The following GNL3 variants were observed in gnomAD, a reference collection of about 807,000 sequenced individuals.
GNL3 encodes guanine nucleotide-binding protein-like 3.
Under a neutral mutation model 70.6 loss-of-function variants are expected in GNL3, and 77 were observed. That is an observed-to-expected ratio of 1.09 (90% CI 0.91 to 1.32). GNL3 has a LOEUF of 1.32. Among genes scored for constraint, GNL3 ranks in the 40% most tolerant of loss-of-function variants. GNL3 has a pLI of 0.00. For missense variants in GNL3, 634 were observed against 644.0 expected (o/e 0.98, Z 0.17); for synonymous variants, 252 against 216.1 (o/e 1.17, Z -1.46).
intron 11 of GNL3, 33 bp downstream of exon 11, chr3:52,693,362 C>G: frequency 1.2e-6 from 2 of 1,613,788 alleles, no homozygotes; most frequent in South Asian, 2.2e-5. Context: ...ATTTTGGTGA[C>G]CACTAGAATA....
intron 5 of GNL3, among the ~76,000 whole-genome samples, chr3:52,688,665 C>T (rs572657430): frequency 2.0e-5 from 3 of 152,254 alleles, no homozygotes; most frequent in African/African-American, 7.2e-5. Flanking sequence ...AGGAGGACAA[C>T]TTGGTGTAGT....
Position 52,689,003 on chromosome 3 carries a change from C to T in GNL3, c.409-71C>T. 3 of 1,285,842 alleles carry T rather than the reference C, an allele frequency of 2.3e-6. 1 individual carries two copies. 79.7% of individuals were successfully genotyped at this position (1,285,842 alleles called of 1,614,324 possible). On this transcript the variant is annotated intron_variant, in intron 5 of 14. Transcript: ENST00000418458. ...CAGTACTCTCTTGTGGAAGGTATTA[C>T]CAGAACAAGGGATGTAGTTCTGATC...
rs1578570954 is a variant in GNL3 at position 52,687,579 on chromosome 3, T to C, written c.288T>C (p.Pro96=). 3.1e-6 allele frequency: 5 copies of C among 1,608,626 alleles called. No individual in the cohort carries two copies. In the East Asian group the frequency reaches 1.1e-4, roughly 36 times the overall value. Residue 96 remains proline (P), a synonymous_variant, in exon 4 of 15, where the codon CCT becomes CCC. Transcript: ENST00000418458. ...AGAAAAGAAAACTTGAAACTAATCCTGATATTAAGCCATCAAATGTGGAAC... is the reference window on the plus strand; with the variant it reads ...AGAAAAGAAAACTTGAAACTAATCCCGATATTAAGCCATCAAATGTGGAAC... ...LEKKRKLETN[P]DIKPSNVEPM...
Position 52,687,136 on chromosome 3 carries a change from A to G in GNL3, c.73-110A>G. 9.1e-6 allele frequency: 8 copies of G among 876,020 alleles called. No individual in the cohort carries two copies. The South Asian group carries it at 1.3e-4, about 14-fold the overall frequency. The allele number at this position is 876,020 out of a possible 1,614,324, so 54.3% of individuals were successfully genotyped here. A position where few individuals can be genotyped will look rare whatever the true frequency, so the allele number is the denominator to read the frequency against. On this transcript the variant is annotated intron_variant, in intron 2 of 14. Coordinates refer to ENST00000418458, the MANE Select transcript of GNL3 (RefSeq NM_014366.5). ...ATTCCAATTAAAGCTCCATTTTCCT[A>G]GGACATTTTATAGGCATAACTAAAT... is the stretch of plus-strand genomic sequence containing the variant.
Position 52,690,591 on chromosome 3 carries a change from G to C in GNL3, c.542-1G>C, listed in dbSNP as rs756950670. ...AATGTCTTATTTCTAATTGCTATCA[G>C]ATCTGGTACCAAAGGAGAATTTGGA... On this transcript the variant is annotated splice_acceptor_variant, in intron 6 of 14. Transcript: ENST00000418458. LOFTEE classifies it high-confidence loss of function. 46 of 1,562,238 alleles carry C rather than the reference G, an allele frequency of 2.9e-5. No homozygotes were observed. Among genetic ancestry groups the C allele is most frequent in the Non-Finnish European group, 3.9e-5 (44 of 1,132,918 alleles).
chr3:52,688,131 A>G lies in GNL3; in HGVS notation c.347A>G (p.Glu116Gly). ...MEKEFGLCKTENKAKSGKQNS... is the reference protein window; with the variant it reads ...MEKEFGLCKTGNKAKSGKQNS... Reference sequence around the variant, plus strand: ...TAGGAGTTTGGGCTTTGCAAAACTGAGAACAAAGCCAAGTCGGGCAAACAG... The same window carrying G: ...TAGGAGTTTGGGCTTTGCAAAACTGGGAACAAAGCCAAGTCGGGCAAACAG... The change falls in exon 5 of 15, where the codon GAG (glutamate) becomes GGG (glycine). Residue 116 changes from glutamate to glycine, a missense_variant. Coordinates refer to ENST00000418458, the MANE Select transcript of GNL3 (RefSeq NM_014366.5). 1 of 1,610,000 alleles carries G rather than the reference A, an allele frequency of 6.2e-7. No homozygotes were observed. The highest frequency in any genetic ancestry group is 1.1e-5 in the South Asian group (1 of 91,000).
chr3:52,692,369 A>ACT (rs71087009), intron 9 of GNL3, among the ~76,000 whole-genome samples: 25 of 126,432 alleles, frequency 2.0e-4, no homozygotes, highest in East Asian at 7.1e-4. Flanking sequence ...CAACTTTTAG[A>ACT]TTTTTTTTTT....
Position 52,693,186 on chromosome 3 carries a change from G to A in GNL3, c.1045-1G>A, listed in dbSNP as rs1421214142. 2 of 1,597,796 alleles carry A rather than the reference G, an allele frequency of 1.3e-6. No individual in the cohort carries two copies. Among genetic ancestry groups the A allele is most frequent in the Admixed American group, 1.8e-5 (1 of 55,760 alleles). On this transcript the variant is annotated splice_acceptor_variant, in intron 10 of 14. Coordinates refer to ENST00000418458, the MANE Select transcript of GNL3 (RefSeq NM_014366.5). LOFTEE classifies it high-confidence loss of function. ...CTCCTTTGTTTGGTTTTTTTTTTAA[G>A]GTAGTACTGAAATATACTGTCCCAG... is the stretch of plus-strand genomic sequence containing the variant.
At chr3:52,686,454 C>G (rs1019249311) in intron 1 of GNL3, 1 of 569,684 alleles carries the variant, frequency 1.8e-6, no homozygotes, top group African/African-American at 1.9e-5. Context: ...CTCCCAGACT[C>G]AGTGTTCCTC....
intron 6 of GNL3, 94 bp from the exon 7 acceptor site, chr3:52,690,498 C>G (rs764988625): frequency 2.8e-6 from 2 of 710,136 alleles, no homozygotes; most frequent in Admixed American, 2.0e-5. Context: ...CTCCTGAACT[C>G]GTGATCCGCC....
At chr3:52,686,255 C>G in intron 1 of GNL3, 150 bp downstream of exon 1, 1 of 791,694 alleles carries the variant, frequency 1.3e-6, no homozygotes, top group Non-Finnish European at 2.1e-6. Flanking sequence ...CTGGTAGAAC[C>G]GAGAGTTGGA....
rs2154099744 is a variant in GNL3 at position 52,692,864 on chromosome 3, TC to T, written c.870-7del. ...ATGCCCCCATCAATTCCATCGCTCT[TC>T]TTTCAGGAGCATGCAAGTTGTCCCC... On this transcript the variant is annotated splice_region_variant and splice_polypyrimidine_tract_variant and intron_variant, in intron 9 of 14. Coordinates refer to ENST00000418458, the MANE Select transcript of GNL3 (RefSeq NM_014366.5). The T allele has an allele frequency of 6.2e-7, 1 of 1,609,258 alleles. No homozygotes were observed. Among genetic ancestry groups the T allele is most frequent in the East Asian group, 2.2e-5 (1 of 44,850 alleles).
intron 4 of GNL3, 176 bp downstream of exon 4, chr3:52,687,791 C>G (rs1242093694): frequency 5.0e-6 from 3 of 604,014 alleles, no homozygotes; most frequent in Non-Finnish European, 8.9e-6. Context: ...ACCATCACGC[C>G]TGGCTAATTT....
chr3:52,691,874 G>A (rs986139158), intron 9 of GNL3, among the ~76,000 whole-genome samples: 5 of 152,008 alleles, frequency 3.3e-5, no homozygotes, highest in African/African-American at 9.7e-5. Flanking sequence ...GGCTAATTTT[G>A]TATTTTTAAT....
intron 1 of GNL3, 178 bp downstream of exon 1, chr3:52,686,283 T>C (rs2097310742): frequency 3.0e-6 from 2 of 659,390 alleles, no homozygotes; most frequent in South Asian, 3.7e-5. Context: ...ACGGCGATCA[T>C]GTTAACCGCG....
At chr3:52,686,343 C>T (rs1047065841) in intron 1 of GNL3, 1 of 594,856 alleles carries the variant, frequency 1.7e-6, no homozygotes, top group Non-Finnish European at 3.0e-6. Context: ...GAAGACTAGG[C>T]TAGATTTTCG....
chr3:52,693,239 C>T lies in GNL3; in HGVS notation c.1097C>T (p.Thr366Ile). 1 of 1,613,614 alleles carries T rather than the reference C, an allele frequency of 6.2e-7. No individual in the cohort carries two copies. The highest frequency in any genetic ancestry group is 1.1e-5 in the South Asian group (1 of 91,026). The change falls in exon 11 of 15, where the codon ACT becomes ATT. Residue 366 changes from threonine (T) to isoleucine (I), a missense_variant. Physicochemically the swap from Thr to Ile is moderately conservative, Grantham distance 89. Transcript: ENST00000418458. ...PGYRNSLEFF[T>I]VLAQRRGMHQ... The stretch of plus-strand genomic sequence containing the variant: ...TACAGGAATTCTCTGGAATTTTTTA[C>T]TGTGCTTGCTCAGAGAAGAGGTATG...
Position 52,689,218 on chromosome 3 carries a change from G to A in GNL3, c.541+12G>A, listed in dbSNP as rs752039417. The A allele has an allele frequency of 2.5e-5, 41 of 1,611,474 alleles. No homozygotes were observed. The highest frequency in any genetic ancestry group is 3.3e-5 in the Non-Finnish European group (39 of 1,177,852). ...ATTAAATAAATCAGGTGAGTAAAGAGGGTACCCTTTGTCTTCTGTGTACAT... is the reference window on the plus strand; with the variant it reads ...ATTAAATAAATCAGGTGAGTAAAGAAGGTACCCTTTGTCTTCTGTGTACAT... On this transcript the variant is annotated intron_variant, in intron 6 of 14. Transcript: ENST00000418458.
chr3:52,693,402 T>C lies in GNL3; in HGVS notation c.1188-6T>C. Reference sequence around the variant, plus strand: ...TTCTTTTGACACATCTTATTTTTAATATCAGTGCCTCATTAGCTTACTATT... The same window carrying C: ...TTCTTTTGACACATCTTATTTTTAACATCAGTGCCTCATTAGCTTACTATT... On this transcript the variant is annotated splice_region_variant and splice_polypyrimidine_tract_variant and intron_variant, in intron 11 of 14. Transcript: ENST00000418458. The C allele has an allele frequency of 6.2e-7, 1 of 1,614,118 alleles. No individual in the cohort carries two copies. The highest frequency in any genetic ancestry group is 8.5e-7 in the Non-Finnish European group (1 of 1,179,998).
Sources: allele counts gnomAD v4.1 joint callset (sites outside exome capture counted in the v4.1 genomes callset), GRCh38; gene constraint gnomAD v4.1.1; transcripts MANE v1.5; gene names NCBI Gene and HGNC (gene_info 2026-07-23, HGNC 2026-07-21).